The following SLC24A3 variants were observed in gnomAD, a reference collection of about 807,000 sequenced individuals.
SLC24A3 encodes sodium/potassium/calcium exchanger 3.
Under a neutral mutation model 75.8 loss-of-function variants are expected in SLC24A3, and 28 were observed. That is an observed-to-expected ratio of 0.37 (90% confidence interval 0.27 to 0.51). SLC24A3 has a LOEUF of 0.51. Among genes scored for constraint, SLC24A3 ranks in the 20% least tolerant of loss-of-function variants. SLC24A3 has a pLI of 0.94. For synonymous variants in SLC24A3, 372 were observed against 334.1 expected (o/e 1.11, Z -1.24); for missense variants, 663 against 847.8 (o/e 0.78, Z 2.71).
chr20:19,374,250 G>GACA (rs1396007986), intron 2 of SLC24A3, among the ~76,000 whole-genome samples: 1 of 152,096 alleles, frequency 6.6e-6, no homozygotes, highest in African/African-American at 2.4e-5. Context: ...CCATCTCAGT[G>GACA]ACAGGGTGGG....
intron 2 of SLC24A3, among the ~76,000 whole-genome samples, chr20:19,318,387 T>G (rs1404782892): frequency 6.6e-6 from 1 of 152,170 alleles, no homozygotes; most frequent in Non-Finnish European, 1.5e-5. Context: ...TTAGCCATGA[T>G]GAGGAGGCTG....
rs563188494 is a variant in SLC24A3 at position 19,311,021 on chromosome 20, CTCCTTCCCTT to C, written c.271+29952_271+29961del. 7.8e-3 allele frequency among the ~76,000 whole-genome samples: 1,179 copies of C among 151,716 alleles called. 7 individuals are homozygous for C. Among genetic ancestry groups the C allele is most frequent in the Middle Eastern group, 0.02 (6 of 294 alleles). On this transcript the variant is annotated intron_variant, in intron 2 of 16. Transcript: ENST00000328041. ...CTTTCTTCCTTCCTTGCTTCCATCC[CTCCTTCCCTT>C]TCCTTCCCTTTCCTTCCTTCCTTCT...
chr20:19,394,164 A>T (rs1986411514), intron 2 of SLC24A3, among the ~76,000 whole-genome samples: 1 of 152,218 alleles, frequency 6.6e-6, no homozygotes, highest in Admixed American at 6.5e-5. Context: ...ATGCAAAAGG[A>T]TGAAGTTGAG....
intron 7 of SLC24A3, among the ~76,000 whole-genome samples, 199 bp downstream of exon 7, chr20:19,654,335 G>A (rs2032240677): frequency 1.3e-5 from 2 of 152,022 alleles, no homozygotes; most frequent in South Asian, 2.1e-4. Flanking sequence ...GGTCAGAGCC[G>A]GCATTTAGAC....
At chr20:19,585,385 A>T (rs2031280262) in intron 5 of SLC24A3, 56 bp from the exon 6 acceptor site, 1 of 1,539,054 alleles carries the variant, frequency 6.5e-7, no homozygotes, top group African/African-American at 1.4e-5. Context: ...CCCCATGCCC[A>T]CCTTGGAATG....
intron 4 of SLC24A3, 83 bp downstream of exon 4, chr20:19,580,157 A>G: frequency 2.5e-6 from 3 of 1,212,394 alleles, no homozygotes; most frequent in Non-Finnish European, 3.6e-6. Flanking sequence ...TCCTCACCAA[A>G]GTCCTGGGGA....
chr20:19,539,515 A>G (rs2030459285), intron 3 of SLC24A3, among the ~76,000 whole-genome samples: 1 of 152,204 alleles, frequency 6.6e-6, no homozygotes, highest in Non-Finnish European at 1.5e-5. Flanking sequence ...ACTGAGACAC[A>G]GTAAGCACTA....
At chr20:19,644,381 G>A (rs1380339938) in intron 6 of SLC24A3, among the ~76,000 whole-genome samples, 1 of 152,148 alleles carries the variant, frequency 6.6e-6, no homozygotes, top group East Asian at 1.9e-4. Context: ...CAGCATACAG[G>A]TTCTGATGCA....
intron 15 of SLC24A3, among the ~76,000 whole-genome samples, chr20:19,715,443 T>C (rs982294224): frequency 2.6e-5 from 4 of 152,302 alleles, no homozygotes; most frequent in Admixed American, 2.6e-4. Flanking sequence ...AGATATGACT[T>C]GAGTCTTCCT....
At chr20:19,390,930 G>C (rs960313628) in intron 2 of SLC24A3, among the ~76,000 whole-genome samples, 3 of 152,194 alleles carry the variant, frequency 2.0e-5, no homozygotes, top group Non-Finnish European at 4.4e-5. Context: ...TTGCCTGGAA[G>C]TGTAGCAGGT....
chr20:19,229,804 T>A (rs1459862853), intron 1 of SLC24A3, among the ~76,000 whole-genome samples: 1 of 152,198 alleles, frequency 6.6e-6, no homozygotes. Context: ...TGTAAGAGCC[T>A]ATGTTTTTTT....
intron 2 of SLC24A3, among the ~76,000 whole-genome samples, chr20:19,446,757 G>T (rs1175046718): frequency 2.6e-5 from 4 of 152,212 alleles, no homozygotes; most frequent in Non-Finnish European, 5.9e-5. Context: ...GTGACTTTTG[G>T]TGAGGTCCTG....
intron 3 of SLC24A3, among the ~76,000 whole-genome samples, chr20:19,526,934 T>C (rs764480036): frequency 3.9e-5 from 6 of 152,214 alleles, no homozygotes; most frequent in Non-Finnish European, 7.3e-5. Context: ...ATTGTCGTTA[T>C]TTTTATTTCA....
At chr20:19,614,993 G>A (rs536038920) in intron 6 of SLC24A3, among the ~76,000 whole-genome samples, 11 of 152,162 alleles carry the variant, frequency 7.2e-5, no homozygotes, top group Non-Finnish European at 1.3e-4. Flanking sequence ...TTTTGTTAAA[G>A]CCGTAATCTT....
chr20:19,646,841 C>CTGTGTGTGTG (rs74180956), intron 6 of SLC24A3, among the ~76,000 whole-genome samples: 10,495 of 144,572 alleles, frequency 0.073, 470 homozygotes, highest in African/African-American at 0.12. Context: ...TTACAAAACT[C>CTGTGTGTGTG]TGTGTGTGTG....
At chr20:19,553,326 A>C (rs774020382) in intron 3 of SLC24A3, among the ~76,000 whole-genome samples, 1 of 152,100 alleles carries the variant, frequency 6.6e-6, no homozygotes, top group Non-Finnish European at 1.5e-5. Context: ...CCCAGTATTC[A>C]CAGGACACTT....
chr20:19,591,471 C>T (rs778469899), intron 6 of SLC24A3, among the ~76,000 whole-genome samples: 1 of 149,372 alleles, frequency 6.7e-6, no homozygotes, highest in African/African-American at 2.4e-5. Flanking sequence ...CTCTAATCTC[C>T]TCTGTTTCCT....
chr20:19,468,520 C>A (rs890920796), intron 2 of SLC24A3, among the ~76,000 whole-genome samples: 1 of 152,096 alleles, frequency 6.6e-6, no homozygotes, highest in Admixed American at 6.5e-5. Context: ...CTCGTCACTC[C>A]TATTTTCTTC....
At chr20:19,517,192 G>A (rs571817721) in intron 3 of SLC24A3, among the ~76,000 whole-genome samples, 2 of 152,190 alleles carry the variant, frequency 1.3e-5, no homozygotes, top group South Asian at 2.1e-4. Context: ...CTACCCTGTC[G>A]CAAGGCTGAG....
Sources: allele counts gnomAD v4.1 joint callset (sites outside exome capture counted in the v4.1 genomes callset), GRCh38; gene constraint gnomAD v4.1.1; transcripts MANE v1.5; gene names NCBI Gene and HGNC (gene_info 2026-07-23, HGNC 2026-07-21).